RFX8: variants seen among roughly 807,000 people sequenced by gnomAD.
RFX8 encodes regulatory factor X8, also known as DNA-binding protein RFX8.
A neutral mutation model predicts 54.6 loss-of-function variants in RFX8; 46 were observed. The ratio of observed to expected loss-of-function variants is 0.84; its 90% CI spans 0.67 to 1.08. The LOEUF is 1.08. Ranked by LOEUF, RFX8 falls within the 50% of genes least tolerant of loss-of-function variation. RFX8 has a pLI of 0.00. For synonymous variants in RFX8, 192 were observed against 209.5 expected (o/e 0.92, Z 0.72); for missense variants, 536 against 562.3 (o/e 0.95, Z 0.47).
At chr2:101,414,525 C>T (rs1439547857) in intron 7 of RFX8, among the ~76,000 whole-genome samples, 3 of 151,842 alleles carry the variant, frequency 2.0e-5, no homozygotes, top group Non-Finnish European at 2.9e-5. Context: ...CTGCCTGCCT[C>T]GGACTTCCAA....
chr2:101,412,873 T>C (rs1686223416), intron 8 of RFX8, 42 bp downstream of exon 8: 1 of 1,528,764 alleles, frequency 6.5e-7, no homozygotes, highest in Non-Finnish European at 8.8e-7. Flanking sequence ...CCCAAATCTA[T>C]GCCCAACACG....
chr2:101,416,911 C>G (rs981970009), intron 6 of RFX8, among the ~76,000 whole-genome samples: 4 of 152,194 alleles, frequency 2.6e-5, no homozygotes, highest in Non-Finnish European at 4.4e-5. Context: ...AAGGGGAAAG[C>G]ATTCTAGAAA....
At position 101,423,251 on chromosome 2, in the gene RFX8, C is replaced by T. The variant is rs1395424721; in HGVS notation, c.73-779G>A. Among the ~76,000 whole-genome samples, 5 of 141,338 alleles carry T rather than the reference C, an allele frequency of 3.5e-5. No individual in the cohort carries two copies. The Admixed American group carries it at 3.6e-4, about 10-fold the overall frequency. 92.7% of individuals were successfully genotyped at this position (141,338 alleles called of 152,430 possible). Reference sequence around the variant, plus strand: ...CTAGCCTTGGCGACAAAGAGCAAAACTCCATCTCAAAAAAAAAAAAAAAAA... The same window carrying T: ...CTAGCCTTGGCGACAAAGAGCAAAATTCCATCTCAAAAAAAAAAAAAAAAA... On this transcript the variant is annotated intron_variant, in intron 2 of 11. Transcript: ENST00000428343.
chr2:101,402,097 G>A (rs912942448), intron 11 of RFX8, among the ~76,000 whole-genome samples: 1 of 152,216 alleles, frequency 6.6e-6, no homozygotes, highest in African/African-American at 2.4e-5. Flanking sequence ...GAACACTAGG[G>A]GAATTTTCAG....
chr2:101,413,968 C>G (rs1361014761), intron 7 of RFX8, among the ~76,000 whole-genome samples: 1 of 152,166 alleles, frequency 6.6e-6, no homozygotes, highest in Non-Finnish European at 1.5e-5. Flanking sequence ...CAGTGATGGT[C>G]CCCAGGCTCT....
intron 9 of RFX8, among the ~76,000 whole-genome samples, chr2:101,406,325 T>C (rs1305543341): frequency 6.7e-6 from 1 of 149,320 alleles, no homozygotes; most frequent in East Asian, 2.0e-4. Context: ...TCTCTTAAAA[T>C]AAAAAAAAAG....
At chr2:101,410,075 C>T (rs1246967372) in intron 9 of RFX8, among the ~76,000 whole-genome samples, 5 of 152,048 alleles carry the variant, frequency 3.3e-5, no homozygotes, top group Non-Finnish European at 7.4e-5. Flanking sequence ...GGGCTGCTCT[C>T]CCCCTGAAAT....
intron 1 of RFX8, among the ~76,000 whole-genome samples, chr2:101,467,644 A>G (rs1175013699): frequency 1.3e-5 from 2 of 152,172 alleles, no homozygotes; most frequent in Non-Finnish European, 2.9e-5. Flanking sequence ...GGGACCTTCA[A>G]CTACCCAAAT....
Position 101,402,563 on chromosome 2 carries a change from GC to G in RFX8, c.1117del (p.Ala373ProfsTer10). The G allele has an allele frequency of 6.4e-7, 1 of 1,551,884 alleles. No homozygotes were observed. The highest frequency in any genetic ancestry group is 8.7e-7 in the Non-Finnish European group (1 of 1,147,036). ...SLNSSLSQAC[A>X]SPSMEPLGVM... ...CCCCAGTGGCTCCATGCTGGGGCTGGCACACGCCTGCGACAGTGAGGAATTC... is the reference window on the plus strand; with the variant it reads ...CCCCAGTGGCTCCATGCTGGGGCTGGACACGCCTGCGACAGTGAGGAATTC... On this transcript the variant is annotated frameshift_variant, in exon 11 of 12. Coordinates refer to ENST00000428343, the MANE Select transcript of RFX8 (RefSeq NM_001145664.2). LOFTEE classifies it high-confidence loss of function.
chr2:101,434,864 A>C (rs766590242), intron 2 of RFX8: 4 of 152,304 alleles, frequency 2.6e-5, no homozygotes, highest in Non-Finnish European at 5.9e-5. Context: ...TCTGGGGCTC[A>C]TCGGAGGCCT....
chr2:101,465,881 C>T (rs1689547534), intron 2 of RFX8, among the ~76,000 whole-genome samples: 1 of 152,094 alleles, frequency 6.6e-6, no homozygotes, highest in Non-Finnish European at 1.5e-5. Flanking sequence ...TTAAGGGAAA[C>T]GTCAATAATT....
chr2:101,430,826 A>C (rs928854142), intron 2 of RFX8, among the ~76,000 whole-genome samples: 1 of 152,158 alleles, frequency 6.6e-6, no homozygotes, highest in Admixed American at 6.5e-5. Context: ...TAATAAATCA[A>C]ACTTAGAATA....
chr2:101,455,667 T>A (rs1454459275), intron 2 of RFX8, among the ~76,000 whole-genome samples: 1 of 152,226 alleles, frequency 6.6e-6, no homozygotes, highest in East Asian at 1.9e-4. Context: ...CCAGCTTTGT[T>A]CTTTTGGCCT....
intron 2 of RFX8, among the ~76,000 whole-genome samples, chr2:101,463,140 G>A (rs1689373423): frequency 6.6e-6 from 1 of 152,200 alleles, no homozygotes; most frequent in South Asian, 2.1e-4. Flanking sequence ...GAGGCAAAAA[G>A]ACAGCAGATA....
At chr2:101,408,431 GC>G (rs1685884073) in intron 9 of RFX8, among the ~76,000 whole-genome samples, 1 of 151,516 alleles carries the variant, frequency 6.6e-6, no homozygotes, top group African/African-American at 2.4e-5. Flanking sequence ...CCTGCAGTGA[GC>G]CGAGATCGCG....
At chr2:101,397,784 G>T (rs1685210397) in intron 11 of RFX8, 60 bp from the exon 12 acceptor site, 3 of 1,369,346 alleles carry the variant, frequency 2.2e-6, no homozygotes, top group East Asian at 2.6e-5. Context: ...ATTCCTTGTT[G>T]CAGGAACTAC....
chr2:101,453,136 G>A (rs530294696), intron 2 of RFX8, among the ~76,000 whole-genome samples: 1 of 68,224 alleles, frequency 1.5e-5, no homozygotes, highest in East Asian at 3.2e-4. Context: ...ACTTAGCCAG[G>A]CATGGTGGCA....
chr2:101,411,508 G>GT (rs373666070), intron 8 of RFX8, among the ~76,000 whole-genome samples: 1,979 of 151,814 alleles, frequency 0.013, 54 homozygotes, highest in African/African-American at 0.044. Flanking sequence ...GGGGGAGGGG[G>GT]TGTCTCATGC....
chr2:101,442,024 G>T lies in RFX8; in HGVS notation c.73-19552C>A, dbSNP rs550605077. 1.1e-4 allele frequency among the ~76,000 whole-genome samples: 17 copies of T among 152,130 alleles called. 1 individual carries two copies. In the East Asian group the frequency reaches 1.7e-3, roughly 16 times the overall value. On this transcript the variant is annotated intron_variant, in intron 2 of 11. Transcript: ENST00000428343. ...TTTCTGAGGATTAAACAACGTTGAG[G>T]ACTCTATCTTGATTTAATTGTAGTA... is the stretch of plus-strand genomic sequence containing the variant.
Sources: allele counts gnomAD v4.1 joint callset (sites outside exome capture counted in the v4.1 genomes callset), GRCh38; gene constraint gnomAD v4.1.1; transcripts MANE v1.5; gene names NCBI Gene and HGNC (gene_info 2026-07-23, HGNC 2026-07-21).